The following NTRK2 variants were observed in gnomAD, a reference collection of about 807,000 sequenced individuals.
The protein encoded by NTRK2 is BDNF/NT-3 growth factors receptor.
In NTRK2, 13 loss-of-function variants were observed where a neutral mutation model predicts 94.5. The ratio of observed to expected loss-of-function variants is 0.14; its 90% CI spans 0.09 to 0.22. The LOEUF is 0.22. Among genes scored for constraint, NTRK2 ranks in the 10% least tolerant of loss-of-function variants. The pLI is 1.00. For missense variants in NTRK2, 639 were observed against 1,071.2 expected, an observed-to-expected ratio of 0.60 and a Z score of 5.63; for synonymous variants, 372 against 407.4, an observed-to-expected ratio of 0.91 and a Z score of 1.05.
Position 84,954,760 on chromosome 9 carries a change from G to A in NTRK2, c.1938-523G>A, listed in dbSNP as rs75067250. Among the ~76,000 whole-genome samples the A allele has an allele frequency of 8.2e-4, 125 of 152,326 alleles. 1 individual carries two copies. The East Asian group carries it at 0.024, about 29-fold the overall frequency. Reference sequence around the variant, plus strand: ...CGCAGGCTGCCCAGCTCTGGTGCTGGTGGGGACACTCTGGAGGAATCAGCT... The same window carrying A: ...CGCAGGCTGCCCAGCTCTGGTGCTGATGGGGACACTCTGGAGGAATCAGCT... On this transcript the variant is annotated intron_variant, in intron 16 of 18. Coordinates refer to ENST00000277120, the MANE Select transcript of NTRK2 (RefSeq NM_006180.6).
chr9:84,782,129 G>A (rs145169953), intron 12 of NTRK2, among the ~76,000 whole-genome samples: 15 of 152,044 alleles, frequency 9.9e-5, no homozygotes, highest in African/African-American at 3.6e-4. Flanking sequence ...TGGGATTTAA[G>A]CTTCACCAAT....
chr9:84,687,385 TTTTG>T (rs1469806685), intron 2 of NTRK2, among the ~76,000 whole-genome samples: 7 of 152,190 alleles, frequency 4.6e-5, no homozygotes, highest in Non-Finnish European at 8.8e-5. Context: ...TTAGACCTAT[TTTTG>T]TTTGTTGGAG....
At chr9:84,723,055 T>G (rs1289303559) in intron 6 of NTRK2, among the ~76,000 whole-genome samples, 6 of 152,240 alleles carry the variant, frequency 3.9e-5, no homozygotes, top group African/African-American at 1.4e-4. Flanking sequence ...AGAATGAGTC[T>G]TTCAAAATCT....
At chr9:84,752,912 G>T (rs1486317120) in intron 12 of NTRK2, among the ~76,000 whole-genome samples, 1 of 152,178 alleles carries the variant, frequency 6.6e-6, no homozygotes, top group Non-Finnish European at 1.5e-5. Flanking sequence ...GTTTAGTGGT[G>T]TCTTAGTTGT....
At chr9:84,866,593 G>A (rs1428353851) in intron 13 of NTRK2, among the ~76,000 whole-genome samples, 3 of 152,264 alleles carry the variant, frequency 2.0e-5, no homozygotes, top group East Asian at 1.9e-4. Flanking sequence ...GGAGAAGGAA[G>A]TGAAGAAATT....
chr9:84,983,210 C>T (rs1041139408), intron 17 of NTRK2, among the ~76,000 whole-genome samples: 5 of 152,012 alleles, frequency 3.3e-5, no homozygotes, highest in Admixed American at 6.6e-5. Flanking sequence ...CAGTTCTGTC[C>T]CCATGGTTCC....
At chr9:84,692,634 A>AT (rs1370587640) in intron 2 of NTRK2, among the ~76,000 whole-genome samples, 8 of 151,364 alleles carry the variant, frequency 5.3e-5, no homozygotes, top group African/African-American at 1.9e-4. Context: ...CACCTGGCTA[A>AT]TTTTGTATTT....
intron 2 of NTRK2, among the ~76,000 whole-genome samples, chr9:84,689,504 T>TCATTTTCTCTTTTATTTTTCTC (rs1645024488): frequency 6.6e-6 from 1 of 152,230 alleles, no homozygotes; most frequent in Admixed American, 6.5e-5. Context: ...GGATTGTCAG[T>TCATTTTCTCTTTTATTTTTCTC]CATTTTCTCT....
intron 17 of NTRK2, among the ~76,000 whole-genome samples, chr9:85,000,148 A>T (rs1275166376): frequency 6.6e-6 from 1 of 152,062 alleles, no homozygotes; most frequent in Non-Finnish European, 1.5e-5. Flanking sequence ...GAGTTCACAT[A>T]TACCCCCTGC....
intron 17 of NTRK2, among the ~76,000 whole-genome samples, chr9:84,982,720 A>T (rs965654513): frequency 6.6e-6 from 1 of 152,224 alleles, no homozygotes; most frequent in African/African-American, 2.4e-5. Flanking sequence ...ACTAACACTT[A>T]TCCAGTATGT....
At chr9:84,789,612 G>T (rs1027951704) in intron 12 of NTRK2, among the ~76,000 whole-genome samples, 5 of 152,146 alleles carry the variant, frequency 3.3e-5, no homozygotes, top group South Asian at 2.1e-4. Context: ...GTTAAAATCA[G>T]CCTGGAGTAA....
chr9:84,916,749 G>GA (rs761516210), intron 14 of NTRK2, among the ~76,000 whole-genome samples: 13 of 151,332 alleles, frequency 8.6e-5, no homozygotes, highest in South Asian at 6.3e-4. Flanking sequence ...AAGTGGCAGA[G>GA]AAAAAAAAAT....
At chr9:84,934,408 T>A in intron 15 of NTRK2, 116 bp downstream of exon 15, 1 of 1,083,590 alleles carries the variant, frequency 9.2e-7, no homozygotes, top group Middle Eastern at 2.8e-4. Context: ...CCTGCTATGA[T>A]GGATGTATTC....
intron 3 of NTRK2, 31 bp from the exon 4 acceptor site, chr9:84,702,317 C>A: frequency 6.2e-7 from 1 of 1,611,910 alleles, no homozygotes; most frequent in South Asian, 1.1e-5. Flanking sequence ...CTGGTTCGTT[C>A]TAATGTGCAT....
intron 12 of NTRK2, among the ~76,000 whole-genome samples, chr9:84,829,377 G>GT (rs1403984998): frequency 6.6e-6 from 1 of 152,008 alleles, no homozygotes; most frequent in Non-Finnish European, 1.5e-5. Context: ...TTGTTTGTTT[G>GT]TTTTTTGTTC....
intron 9 of NTRK2, among the ~76,000 whole-genome samples, chr9:84,737,204 T>G (rs2063322246): frequency 6.6e-6 from 1 of 152,208 alleles, no homozygotes; most frequent in Non-Finnish European, 1.5e-5. Context: ...CCCCATTATT[T>G]TTTATCTTGT....
At chr9:85,001,625 T>G (rs936657596) in intron 17 of NTRK2, among the ~76,000 whole-genome samples, 3 of 152,222 alleles carry the variant, frequency 2.0e-5, no homozygotes, top group African/African-American at 7.2e-5. Flanking sequence ...TGAGAGTTAA[T>G]TACCTGTCTT....
At chr9:84,747,181 T>A (rs923475399) in intron 11 of NTRK2, among the ~76,000 whole-genome samples, 76 of 152,098 alleles carry the variant, frequency 5.0e-4, no homozygotes, top group Non-Finnish European at 8.8e-5. Context: ...TTTATGCATA[T>A]CTAGTATAGA....
chr9:85,002,263 C>T (rs1830417546), intron 17 of NTRK2, among the ~76,000 whole-genome samples: 1 of 152,144 alleles, frequency 6.6e-6, no homozygotes, highest in Non-Finnish European at 1.5e-5. Flanking sequence ...TTTCTGAAGA[C>T]CCCAAGAGGA....
Sources: allele counts gnomAD v4.1 joint callset (sites outside exome capture counted in the v4.1 genomes callset), GRCh38; gene constraint gnomAD v4.1.1; transcripts MANE v1.5; gene names NCBI Gene and HGNC (gene_info 2026-07-23, HGNC 2026-07-21).